MAP4: variants seen among roughly 807,000 people sequenced by gnomAD.
MAP4 encodes the protein microtubule-associated protein 4.
In MAP4, 76 loss-of-function variants were observed where a neutral mutation model predicts 170.2. The observed-to-expected ratio is 0.45, with a 90% CI of 0.37 to 0.54. The LOEUF is 0.54. Ranked by LOEUF, MAP4 falls within the 20% of genes least tolerant of loss-of-function variation. The pLI is 0.00. For missense variants in MAP4, 2,506 were observed against 2,748.0 expected (o/e 0.91, Z 1.97); for synonymous variants, 909 against 994.5 (o/e 0.91, Z 1.62).
intron 3 of MAP4, among the ~76,000 whole-genome samples, chr3:47,949,805 T>C (rs901118552): frequency 6.6e-6 from 1 of 152,218 alleles, no homozygotes; most frequent in African/African-American, 2.4e-5. Context: ...CTGGTTCCAC[T>C]GTGTTTTCCT....
At chr3:47,988,058 G>A (rs1023926198) in intron 2 of MAP4, among the ~76,000 whole-genome samples, 1 of 152,084 alleles carries the variant, frequency 6.6e-6, no homozygotes, top group Non-Finnish European at 1.5e-5. Flanking sequence ...GCCGGGCGTG[G>A]CGGCACACGC....
intron 1 of MAP4, among the ~76,000 whole-genome samples, chr3:48,076,464 T>C (rs1206127634): frequency 6.7e-6 from 1 of 149,214 alleles, no homozygotes; most frequent in South Asian, 2.1e-4. Flanking sequence ...ATCGCACCAC[T>C]GCACTCCAGC....
At chr3:47,992,197 C>T (rs1320008062) in intron 2 of MAP4, among the ~76,000 whole-genome samples, 5 of 151,996 alleles carry the variant, frequency 3.3e-5, no homozygotes, top group South Asian at 2.1e-4. Context: ...ACCATCAGTC[C>T]GATAATGTAT....
In MAP4 at chr3:47,934,655, C is replaced by T. The variant is rs182492639; in HGVS notation, c.293-6305G>A. On this transcript the variant is annotated intron_variant, in intron 3 of 20. Transcript: ENST00000683076. ...TCATAATTTACATATTACTAACAAACGAATCAGTGACTCCTTCTATTTCAC... is the reference window on the plus strand; with the variant it reads ...TCATAATTTACATATTACTAACAAATGAATCAGTGACTCCTTCTATTTCAC... Among the ~76,000 whole-genome samples, 14 of 152,254 alleles carry T rather than the reference C, an allele frequency of 9.2e-5. No homozygotes were observed. The East Asian group carries it at 1.9e-3, about 21-fold the overall frequency.
chr3:47,858,620 T>TG (rs1491113957), intron 17 of MAP4, among the ~76,000 whole-genome samples: 160 of 143,070 alleles, frequency 1.1e-3, no homozygotes, highest in African/African-American at 3.9e-3. Context: ...TGTGTGCGCG[T>TG]TGTGTGTGTG....
intron 10 of MAP4, among the ~76,000 whole-genome samples, chr3:47,886,992 T>C (rs961034805): frequency 2.6e-5 from 4 of 152,250 alleles, no homozygotes; most frequent in African/African-American, 7.2e-5. Flanking sequence ...TCTGCTATCA[T>C]AGGCAGTCAC....
At position 47,855,267 on chromosome 3, in the gene MAP4, G is replaced by C; in HGVS notation, c.6677C>G (p.Pro2226Arg). 1 of 1,613,862 alleles carries C rather than the reference G, an allele frequency of 6.2e-7. No individual in the cohort carries two copies. The highest frequency in any genetic ancestry group is 1.3e-5 in the African/African-American group (1 of 75,026). The change falls in exon 19 of 21, where the codon CCT (proline) becomes CGT (arginine). Residue 2226 changes from proline (P) to arginine (R), a missense_variant. Transcript: ENST00000683076. The surrounding 1 kb of genome is among the most constrained non-coding windows in gnomAD (Gnocchi z 5.1). ...VGSLDNVGHL[P>R]AGGAVKTEGG... ...CGCTACCTTCACAGCACCTCCTGCA[G>C]GTAGGTGGCCCACATTATCGAGGGA...
chr3:48,068,836 T>C (rs146737086), intron 1 of MAP4, among the ~76,000 whole-genome samples: 139 of 152,346 alleles, frequency 9.1e-4, no homozygotes, highest in African/African-American at 3.2e-3. Context: ...GACATTCATT[T>C]AAATCCACTT....
intron 1 of MAP4, among the ~76,000 whole-genome samples, chr3:48,064,335 G>A (rs1000069134): frequency 6.6e-6 from 1 of 152,026 alleles, no homozygotes; most frequent in African/African-American, 2.4e-5. Flanking sequence ...GGCCTATCTT[G>A]TCTTGTGGCC....
intron 18 of MAP4, among the ~76,000 whole-genome samples, chr3:47,857,066 G>C (rs1366533832): frequency 6.6e-6 from 1 of 152,208 alleles, no homozygotes; most frequent in African/African-American, 2.4e-5. Flanking sequence ...GGTGGGACCT[G>C]AACACTGCCC....
Position 48,087,745 on chromosome 3 carries a change from G to GCGCGCACACACACACACGCGCGCACA in MAP4, c.-20+1027_-20+1028insTGTGCGCGCGTGTGTGTGTGTGCGCG, listed in dbSNP as rs1491486983. Among the ~76,000 whole-genome samples the GCGCGCACACACACACACGCGCGCACA allele has an allele frequency of 1.0e-4, 11 of 105,612 alleles. No homozygotes were observed. The Admixed American group carries it at 1.1e-3, about 10-fold the overall frequency. 69.3% of individuals were successfully genotyped at this position (105,612 alleles called of 152,430 possible). A position where few individuals can be genotyped will look rare whatever the true frequency, so the allele number is the denominator to read the frequency against. On this transcript the variant is annotated intron_variant, in intron 1 of 18. Transcript: ENST00000360240. The stretch of plus-strand genomic sequence containing the variant: ...CACGCACGCGCACACACACGCACGC[G>GCGCGCACACACACACACGCGCGCACA]CACACACACACACACACACACACAC...
At chr3:47,942,632 T>TGTAA (rs1331306379) in intron 3 of MAP4, among the ~76,000 whole-genome samples, 1 of 152,182 alleles carries the variant, frequency 6.6e-6, no homozygotes, top group Non-Finnish European at 1.5e-5. Context: ...CTGTTGACAT[T>TGTAA]GTAAGTAACA....
Position 47,850,813 on chromosome 3 carries a change from C to G in MAP4, c.*2121G>C, listed in dbSNP as rs1181149759. ...TCGAGAAGTACAGAAATGTCCCACC[C>G]CAAACAGCTGCGGAGTACACATCAC... On this transcript the variant is annotated 3_prime_UTR_variant, in exon 21 of 21. Coordinates refer to ENST00000683076, the MANE Select transcript of MAP4 (RefSeq NM_001385682.1). 6.6e-6 allele frequency: 1 copy of G among 152,438 alleles called. No homozygotes were observed. The highest frequency in any genetic ancestry group is 1.5e-5 in the Non-Finnish European group (1 of 68,252). 9.4% of individuals were successfully genotyped at this position (152,438 alleles called of 1,614,324 possible). A position where few individuals can be genotyped will look rare whatever the true frequency, so the allele number is the denominator to read the frequency against.
chr3:47,861,731 C>T (rs1285938215), intron 17 of MAP4, among the ~76,000 whole-genome samples: 2 of 151,916 alleles, frequency 1.3e-5, no homozygotes, highest in African/African-American at 4.8e-5. Flanking sequence ...TGGTGGTGCA[C>T]GCCTGTAATC....
intron 10 of MAP4, among the ~76,000 whole-genome samples, chr3:47,890,692 G>A (rs962145297): frequency 1.2e-4 from 18 of 152,292 alleles, no homozygotes; most frequent in African/African-American, 4.3e-4. Flanking sequence ...GGGTGGATGG[G>A]GGATGGGTTG....
intron 5 of MAP4, among the ~76,000 whole-genome samples, chr3:47,920,975 T>G (rs2100042523): frequency 6.6e-6 from 1 of 152,118 alleles, no homozygotes; most frequent in Admixed American, 6.5e-5. Context: ...CTGGGCAACG[T>G]GACAAAACCC....
In MAP4 at chr3:47,936,784, C is replaced by T. The variant is rs949316196; in HGVS notation, c.293-8434G>A. On this transcript the variant is annotated intron_variant, in intron 3 of 20. Transcript: ENST00000683076. ...TCACCTGAGGTCAAGAGTTCAAGACCAGCCTGGCCAACATGGAGAAACCCC... is the reference window on the plus strand; with the variant it reads ...TCACCTGAGGTCAAGAGTTCAAGACTAGCCTGGCCAACATGGAGAAACCCC... Among the ~76,000 whole-genome samples the T allele has an allele frequency of 4.0e-5, 6 of 151,796 alleles. No homozygotes were observed. In the South Asian group the frequency reaches 8.3e-4, roughly 21 times the overall value.
chr3:48,059,190 C>T (rs943712336), intron 1 of MAP4, among the ~76,000 whole-genome samples: 3 of 151,728 alleles, frequency 2.0e-5, no homozygotes, highest in Non-Finnish European at 4.4e-5. Context: ...AATTAACAGC[C>T]AAAACTACAT....
chr3:47,903,447 G>A (rs980175256), intron 9 of MAP4, among the ~76,000 whole-genome samples: 2 of 151,752 alleles, frequency 1.3e-5, no homozygotes, highest in Admixed American at 6.6e-5. Context: ...GCAGGAGAAC[G>A]GCGTGAACCT....
Sources: allele counts gnomAD v4.1 joint callset (sites outside exome capture counted in the v4.1 genomes callset), GRCh38; gene constraint gnomAD v4.1.1; non-coding constraint Gnocchi (gnomAD v3.1); transcripts MANE v1.5; gene names NCBI Gene and HGNC (gene_info 2026-07-23, HGNC 2026-07-21).